Variants in CDKAL1 observed in about 807,000 individuals in gnomAD.
CDKAL1 encodes CDKAL1 threonylcarbamoyladenosine tRNA methylthiotransferase.
In CDKAL1, 32 loss-of-function variants were observed where a neutral mutation model predicts 68.2. The ratio of observed to expected loss-of-function variants is 0.47; its 90% confidence interval spans 0.35 to 0.63. The LOEUF is 0.63. Ranked by LOEUF, CDKAL1 falls within the 30% of genes least tolerant of loss-of-function variation. CDKAL1 has a pLI of 0.00. For synonymous variants in CDKAL1, 234 were observed against 244.3 expected, an observed-to-expected ratio of 0.96 and a Z score of 0.39; for missense variants, 606 against 696.7, an observed-to-expected ratio of 0.87 and a Z score of 1.47.
chr6:20,717,077 G>T (rs1489429493), intron 5 of CDKAL1, among the ~76,000 whole-genome samples: 2 of 152,082 alleles, frequency 1.3e-5, no homozygotes, highest in Non-Finnish European at 1.5e-5. Context: ...ATAGGGAACT[G>T]GTGGTTGTTC....
intron 12 of CDKAL1, among the ~76,000 whole-genome samples, chr6:21,073,786 C>T (rs1169596767): frequency 6.6e-6 from 1 of 152,026 alleles, no homozygotes; most frequent in Non-Finnish European, 1.5e-5. Context: ...TATATTTTTC[C>T]AGTCTATGGC....
chr6:21,110,978 AT>A (rs111262175), intron 13 of CDKAL1, among the ~76,000 whole-genome samples: 4 of 151,444 alleles, frequency 2.6e-5, no homozygotes, highest in South Asian at 2.1e-4. Flanking sequence ...CTAAAAGAAC[AT>A]TTTTTTTTAA....
chr6:21,188,374 T>A (rs1489158255), intron 13 of CDKAL1, among the ~76,000 whole-genome samples: 1 of 152,226 alleles, frequency 6.6e-6, no homozygotes, highest in African/African-American at 2.4e-5. Context: ...TAAAATTGTA[T>A]CTATTTAAGA....
intron 11 of CDKAL1, among the ~76,000 whole-genome samples, chr6:21,030,042 A>C (rs1769187283): frequency 6.6e-6 from 1 of 152,196 alleles, no homozygotes; most frequent in Non-Finnish European, 1.5e-5. Context: ...TTATTGCAGC[A>C]CTATTTACAA....
intron 9 of CDKAL1, among the ~76,000 whole-genome samples, chr6:20,897,732 CAGT>C (rs371586650): frequency 3.3e-5 from 5 of 152,042 alleles, no homozygotes; most frequent in Admixed American, 3.3e-4. Flanking sequence ...TATTATCTCT[CAGT>C]GGTGGGATTA....
At chr6:21,170,592 T>TGCTGGGATTACAG (rs1444373004) in intron 13 of CDKAL1, among the ~76,000 whole-genome samples, 1 of 152,098 alleles carries the variant, frequency 6.6e-6, no homozygotes, top group African/African-American at 2.4e-5. Flanking sequence ...CCTCCCAAAG[T>TGCTGGGATTACAG]GCTGGGATTA....
intron 4 of CDKAL1, among the ~76,000 whole-genome samples, chr6:20,596,796 C>T (rs1187467685): frequency 2.0e-5 from 3 of 152,162 alleles, no homozygotes; most frequent in African/African-American, 7.2e-5. Context: ...GTGTAGGCAC[C>T]CGAGGGATTG....
At chr6:20,742,072 CT>C (rs1316540883) in intron 6 of CDKAL1, among the ~76,000 whole-genome samples, 3 of 152,154 alleles carry the variant, frequency 2.0e-5, no homozygotes, top group African/African-American at 7.2e-5. Context: ...TGACACTGAG[CT>C]TTTTTTCATA....
intron 4 of CDKAL1, among the ~76,000 whole-genome samples, chr6:20,606,391 G>T (rs1006030546): frequency 3.5e-4 from 53 of 152,242 alleles, no homozygotes; most frequent in African/African-American, 1.3e-3. Flanking sequence ...TTATTAAATA[G>T]TAGAACATAG....
chr6:20,887,136 A>G (rs1033191664), intron 9 of CDKAL1, among the ~76,000 whole-genome samples: 8 of 152,252 alleles, frequency 5.3e-5, no homozygotes, highest in African/African-American at 1.9e-4. Flanking sequence ...ACTCCTATAC[A>G]TGAAGTACAA....
At chr6:20,544,915 A>G (rs1013216308) in intron 2 of CDKAL1, among the ~76,000 whole-genome samples, 1 of 151,734 alleles carries the variant, frequency 6.6e-6, no homozygotes, top group Non-Finnish European at 1.5e-5. Context: ...TAGAAGTCCA[A>G]GCTCTCCCCA....
At chr6:21,202,697 G>T (rs2151110348) in intron 15 of CDKAL1, among the ~76,000 whole-genome samples, 1 of 152,282 alleles carries the variant, frequency 6.6e-6, no homozygotes, top group East Asian at 1.9e-4. Flanking sequence ...TCTTGGAAAG[G>T]GAGTATTGTA....
intron 13 of CDKAL1, among the ~76,000 whole-genome samples, chr6:21,119,095 C>T (rs1267479384): frequency 6.6e-6 from 1 of 152,172 alleles, no homozygotes; most frequent in East Asian, 1.9e-4. Context: ...CACTCCCTCT[C>T]CCCTTCGTCC....
At chr6:21,083,011 C>G (rs530743226) in intron 12 of CDKAL1, among the ~76,000 whole-genome samples, 1 of 151,486 alleles carries the variant, frequency 6.6e-6, no homozygotes, top group Non-Finnish European at 1.5e-5. Context: ...GTAGCTGGGA[C>G]TACAGGCATG....
At chr6:20,645,389 C>A (rs916181015) in intron 4 of CDKAL1, among the ~76,000 whole-genome samples, 10 of 152,012 alleles carry the variant, frequency 6.6e-5, no homozygotes, top group African/African-American at 2.2e-4. Context: ...GTATATTGTA[C>A]AGCTGAACAA....
At chr6:21,083,152 C>T (rs1160253385) in intron 12 of CDKAL1, among the ~76,000 whole-genome samples, 1 of 152,148 alleles carries the variant, frequency 6.6e-6, no homozygotes, top group Non-Finnish European at 1.5e-5. Context: ...AGGTGTGAGC[C>T]ACCATGCCCG....
At chr6:20,649,264 CT>C (rs767549722) in intron 4 of CDKAL1, 28 bp from the exon 5 acceptor site, 2 of 1,481,650 alleles carry the variant, frequency 1.3e-6, no homozygotes, top group Non-Finnish European at 1.9e-6. Flanking sequence ...GTGCTACTTA[CT>C]TCTTTTTTGT....
At chr6:21,049,819 T>A (rs76074721) in intron 11 of CDKAL1, among the ~76,000 whole-genome samples, 1 of 131,382 alleles carries the variant, frequency 7.6e-6, no homozygotes, top group Admixed American at 7.3e-5. Context: ...CTCTCATCCT[T>A]TTTTTTTTTT....
chr6:21,157,431 C>CA (rs1215445264), intron 13 of CDKAL1, among the ~76,000 whole-genome samples: 56 of 152,250 alleles, frequency 3.7e-4, no homozygotes, highest in Middle Eastern at 3.4e-3. Flanking sequence ...GATCCTGTCT[C>CA]AAAGAAACAA....
Sources: gnomAD v4.1 joint callset for allele counts (sites outside exome capture counted in the v4.1 genomes callset) on GRCh38, gnomAD v4.1.1 for gene constraint, MANE v1.5 for transcripts, NCBI Gene and HGNC (gene_info 2026-07-23, HGNC 2026-07-21) for gene names.